Variants in C3orf22 observed in about 807,000 individuals in gnomAD.
The protein encoded by C3orf22 is chromosome 3 open reading frame 22.
A neutral mutation model predicts 10.8 loss-of-function variants in C3orf22; 7 were observed. The observed-to-expected ratio is 0.65, with a 90% CI of 0.37 to 1.22. C3orf22 has a LOEUF of 1.22. C3orf22 is among the 50% of genes most tolerant of loss of function. The pLI, the probability that C3orf22 is intolerant of heterozygous loss-of-function variation, is 0.02. For synonymous variants in C3orf22, 79 were observed against 78.9 expected (o/e 1.00, Z 0.00); for missense variants, 173 against 177.0 (o/e 0.98, Z 0.13).
chr3:126,554,420 C>T lies in C3orf22; in HGVS notation c.-40-990G>A, dbSNP rs139728135. 3.6e-3 allele frequency among the ~76,000 whole-genome samples: 541 copies of T among 152,194 alleles called. 2 individuals are homozygous for T. Among genetic ancestry groups the T allele is most frequent in the African/African-American group, 0.012 (505 of 41,532 alleles). On this transcript the variant is annotated intron_variant, in intron 1 of 3. Transcript: ENST00000318225. ...CTGGGATTACAGGCGCCTGCCACCACGCCTGGCTAATTTTTGTATTTTTAG... is the reference window on the plus strand; with the variant it reads ...CTGGGATTACAGGCGCCTGCCACCATGCCTGGCTAATTTTTGTATTTTTAG...
intron 4 of C3orf22, among the ~76,000 whole-genome samples, chr3:126,544,340 A>C (rs1260743928): frequency 6.6e-6 from 1 of 152,240 alleles, no homozygotes; most frequent in East Asian, 1.9e-4. Context: ...TTCAGCCTCC[A>C]TAACTGTAAA....
intron 4 of C3orf22, among the ~76,000 whole-genome samples, chr3:126,535,601 G>C (rs1407163211): frequency 1.3e-5 from 2 of 151,844 alleles, no homozygotes. Context: ...TCGGGAGACA[G>C]CCGGACAGCA....
intron 4 of C3orf22, chr3:126,542,120 C>T: frequency 6.3e-7 from 1 of 1,576,816 alleles, no homozygotes; most frequent in Non-Finnish European, 8.6e-7. Flanking sequence ...CAAGCTCGCG[C>T]GCCCCTACAG....
chr3:126,555,398 C>T (rs1313849453), intron 1 of C3orf22, among the ~76,000 whole-genome samples: 1 of 152,180 alleles, frequency 6.6e-6, no homozygotes, highest in African/African-American at 2.4e-5. Context: ...GGTACAGTCG[C>T]AGGAGACCTG....
chr3:126,536,729 G>A (rs1373270346), intron 4 of C3orf22, among the ~76,000 whole-genome samples: 1 of 151,868 alleles, frequency 6.6e-6, no homozygotes, highest in African/African-American at 2.4e-5. Flanking sequence ...GCCCCGGCGT[G>A]ATTCTCAAAC....
intron 3 of C3orf22, among the ~76,000 whole-genome samples, chr3:126,550,710 T>C (rs959967225): frequency 1.3e-5 from 2 of 152,148 alleles, no homozygotes; most frequent in Non-Finnish European, 2.9e-5. Flanking sequence ...AACCCACCAA[T>C]GCCCACTCCC....
chr3:126,547,532 G>A (rs1370292159), downstream of C3orf22, among the ~76,000 whole-genome samples: 2 of 152,338 alleles, frequency 1.3e-5, no homozygotes, highest in South Asian at 2.1e-4. Context: ...TCTGGATTCA[G>A]GTAATGAGTT....
chr3:126,534,537 A>T (rs542543687), intron 4 of C3orf22, among the ~76,000 whole-genome samples: 1 of 151,432 alleles, frequency 6.6e-6, no homozygotes, highest in East Asian at 2.0e-4. Context: ...CAGCCAGGAG[A>T]AAAACAGACA....
chr3:126,551,800 C>G (rs1937192923), intron 3 of C3orf22, among the ~76,000 whole-genome samples, 197 bp downstream of exon 3: 1 of 152,272 alleles, frequency 6.6e-6, no homozygotes, highest in Admixed American at 6.5e-5. Context: ...GTTCTGTGTG[C>G]CCTTGCCTGG....
intron 4 of C3orf22, chr3:126,541,644 C>A: frequency 8.0e-7 from 1 of 1,251,106 alleles, no homozygotes; most frequent in South Asian, 1.7e-5. Flanking sequence ...GCTCCCAATT[C>A]CCGGGCGCAT....
rs775655775 is a variant in C3orf22, at chr3:126,550,071, C to T, written c.223G>A (p.Ala75Thr). ...TRSIPVRGLG[A>T]PDFTSPSGSC... Reference sequence around the variant, plus strand: ...CCAGACGGTGATGTAAAATCTGGAGCCCCGAGCCTAGAGAAGCCACACAGA... The same window carrying T: ...CCAGACGGTGATGTAAAATCTGGAGTCCCGAGCCTAGAGAAGCCACACAGA... The change falls in exon 4 of 4, where the codon GCT becomes ACT. Residue 75 changes from alanine (A) to threonine (T), a missense_variant. Coordinates refer to ENST00000318225, the MANE Select transcript of C3orf22 (RefSeq NM_152533.3). 5.6e-6 allele frequency: 9 copies of T among 1,613,662 alleles called. No homozygotes were observed. The highest frequency in any genetic ancestry group is 5.3e-5 in the African/African-American group (4 of 74,848).
chr3:126,536,369 C>A (rs770637595), intron 4 of C3orf22: 27 of 1,604,308 alleles, frequency 1.7e-5, no homozygotes, highest in Non-Finnish European at 2.3e-5. Flanking sequence ...TGGACAGACC[C>A]TCGACCCAGG....
chr3:126,529,308 C>T (rs1560136717), exon 5 of C3orf22: 1 of 1,288,000 alleles, frequency 7.8e-7, no homozygotes. Flanking sequence ...CCTTGAGCAG[C>T]TCTCTCTGCT....
rs565486145 is a variant in C3orf22 at position 126,541,354 on chromosome 3, A to C, written c.286+8183T>G. On this transcript the variant is annotated intron_variant and NMD_transcript_variant, in intron 4 of 5. Transcript: ENST00000505070. ...GCAGTTTTCAATTGGGTGTGGAATT[A>C]AACAGCGCTGCTTCTTATGCAGCCT... is the stretch of plus-strand genomic sequence containing the variant. Among the ~76,000 whole-genome samples, 10 of 152,332 alleles carry C rather than the reference A, an allele frequency of 6.6e-5. No homozygotes were observed. The South Asian group carries it at 1.9e-3, about 28-fold the overall frequency.
chr3:126,541,800 G>A, intron 4 of C3orf22: 1 of 1,550,322 alleles, frequency 6.5e-7, no homozygotes, highest in East Asian at 2.4e-5. Flanking sequence ...GCCTGTAGCC[G>A]CCACTCACGC....
chr3:126,535,535 C>G (rs1576752644), intron 4 of C3orf22, among the ~76,000 whole-genome samples: 1 of 151,562 alleles, frequency 6.6e-6, no homozygotes, highest in East Asian at 1.9e-4. Context: ...GACACACAGA[C>G]AGCATCCCTG....
downstream of C3orf22, among the ~76,000 whole-genome samples, chr3:126,547,678 AG>A (rs1937091869): frequency 6.6e-6 from 1 of 152,196 alleles, no homozygotes. Flanking sequence ...GGGAACCTGG[AG>A]AGGCTGGGAA....
intron 1 of C3orf22, among the ~76,000 whole-genome samples, chr3:126,553,791 G>A (rs182092304): frequency 7.9e-5 from 12 of 152,288 alleles, no homozygotes; most frequent in Admixed American, 6.5e-4. Flanking sequence ...TTCTGAGACT[G>A]GCTCCTTCTC....
At chr3:126,534,646 G>A (rs1936726528) in intron 4 of C3orf22, among the ~76,000 whole-genome samples, 1 of 149,798 alleles carries the variant, frequency 6.7e-6, no homozygotes, top group Non-Finnish European at 1.5e-5. Context: ...CCTCAGCCGG[G>A]AGACAGATAG....
Sources: allele counts gnomAD v4.1 joint callset (sites outside exome capture counted in the v4.1 genomes callset), GRCh38; gene constraint gnomAD v4.1.1; transcripts MANE v1.5; gene names NCBI Gene and HGNC (gene_info 2026-07-23, HGNC 2026-07-21).